Variants in SLC9A2 observed in about 807,000 individuals in gnomAD.
SLC9A2 encodes the protein sodium/hydrogen exchanger 2.
SLC9A2 carries 42 observed loss-of-function variants against 71.7 expected under a neutral mutation model. That is an observed-to-expected ratio of 0.59 (90% CI 0.46 to 0.76). The LOEUF (loss-of-function observed/expected upper bound fraction) is 0.76. Among genes scored for constraint, SLC9A2 ranks in the 30% least tolerant of loss-of-function variants. The probability of loss-of-function intolerance (pLI) is 0.00; values close to 1 mark genes in which losing one functional copy is unlikely to be tolerated. For missense variants in SLC9A2, 829 were observed against 1,017.4 expected, an observed-to-expected ratio of 0.81 and a Z score of 2.52; for synonymous variants, 396 against 392.5, an observed-to-expected ratio of 1.01 and a Z score of -0.10.
At chr2:102,685,988 G>A (rs1208409419) in intron 5 of SLC9A2, among the ~76,000 whole-genome samples, 1 of 152,220 alleles carries the variant, frequency 6.6e-6, no homozygotes, top group Non-Finnish European at 1.5e-5. Flanking sequence ...AAGATATCGT[G>A]GGAAGAAGGG....
At chr2:102,636,173 T>G in intron 1 of SLC9A2, among the ~76,000 whole-genome samples, 1 of 152,204 alleles carries the variant, frequency 6.6e-6, no homozygotes, top group East Asian at 1.9e-4. Flanking sequence ...ACCCCTTTGA[T>G]TTTTGCAACC....
chr2:102,707,082 A>G (rs1677993588), intron 11 of SLC9A2, among the ~76,000 whole-genome samples: 1 of 152,172 alleles, frequency 6.6e-6, no homozygotes, highest in African/African-American at 2.4e-5. Flanking sequence ...AATAAACACT[A>G]GGGATTTCAA....
At chr2:102,679,055 G>A (rs910129376) in intron 3 of SLC9A2, among the ~76,000 whole-genome samples, 1 of 152,144 alleles carries the variant, frequency 6.6e-6, no homozygotes, top group Admixed American at 6.5e-5. Flanking sequence ...GGTGACTCAG[G>A]TTGTACATGG....
At chr2:102,664,081 G>A (rs1164863932) in intron 2 of SLC9A2, among the ~76,000 whole-genome samples, 1 of 151,982 alleles carries the variant, frequency 6.6e-6, no homozygotes, top group Non-Finnish European at 1.5e-5. Context: ...TTCAAGACCA[G>A]CCTGGCCAAC....
chr2:102,635,305 A>G (rs918259611), intron 1 of SLC9A2, among the ~76,000 whole-genome samples: 1 of 152,176 alleles, frequency 6.6e-6, no homozygotes, highest in East Asian at 1.9e-4. Context: ...GGAAGGATAC[A>G]TTGTTCGTGT....
At chr2:102,669,662 TA>T (rs1285962029) in intron 3 of SLC9A2, among the ~76,000 whole-genome samples, 3 of 152,268 alleles carry the variant, frequency 2.0e-5, no homozygotes, top group Admixed American at 1.3e-4. Context: ...TTTTGAACTT[TA>T]TATTCAGGAA....
intron 2 of SLC9A2, among the ~76,000 whole-genome samples, chr2:102,660,229 A>G (rs917461815): frequency 2.6e-5 from 4 of 152,206 alleles, no homozygotes; most frequent in Admixed American, 6.5e-5. Flanking sequence ...CAGGCGGCCA[A>G]AGTGAGAGCT....
At chr2:102,652,677 C>T (rs1408890439) in intron 1 of SLC9A2, among the ~76,000 whole-genome samples, 1 of 152,150 alleles carries the variant, frequency 6.6e-6, no homozygotes, top group African/African-American at 2.4e-5. Context: ...CTATCTGGTC[C>T]TTAACAGAAA....
At chr2:102,638,052 T>G (rs936826258) in intron 1 of SLC9A2, among the ~76,000 whole-genome samples, 2 of 152,184 alleles carry the variant, frequency 1.3e-5, no homozygotes, top group African/African-American at 4.8e-5. Flanking sequence ...CCAAGATAAC[T>G]TGGACAGAAG....
intron 1 of SLC9A2, among the ~76,000 whole-genome samples, chr2:102,656,793 C>A (rs758604136): frequency 6.6e-6 from 1 of 152,144 alleles, no homozygotes; most frequent in Admixed American, 6.5e-5. Context: ...AGCTTCAATT[C>A]CCGCTTAAAT....
At chr2:102,701,926 G>A (rs1677881167) in intron 8 of SLC9A2, among the ~76,000 whole-genome samples, 1 of 152,176 alleles carries the variant, frequency 6.6e-6, no homozygotes, top group African/African-American at 2.4e-5. Context: ...ATATTAGCAA[G>A]TAGGTGAGGT....
intron 1 of SLC9A2, among the ~76,000 whole-genome samples, chr2:102,624,602 T>G (rs1024021380): frequency 2.0e-5 from 3 of 152,138 alleles, no homozygotes; most frequent in Non-Finnish European, 4.4e-5. Context: ...AGAGCCTCCT[T>G]CTTTGTCCTG....
At chr2:102,696,932 T>A (rs144401765) in intron 7 of SLC9A2, among the ~76,000 whole-genome samples, 32 of 152,320 alleles carry the variant, frequency 2.1e-4, no homozygotes, top group African/African-American at 7.0e-4. Flanking sequence ...ATCTACCCTA[T>A]GACTCTGGGA....
chr2:102,684,465 T>A lies in SLC9A2; in HGVS notation c.1425+129T>A, dbSNP rs1055937482. 4 of 863,856 alleles carry A rather than the reference T, an allele frequency of 4.6e-6. No individual in the cohort carries two copies. In the African/African-American group the frequency reaches 5.0e-5, roughly 11 times the overall value. The allele number at this position is 863,856 out of a possible 1,614,324, so 53.5% of individuals were successfully genotyped here. On this transcript the variant is annotated intron_variant, in intron 5 of 11. Transcript: ENST00000233969. ...AGTTAATTACTAGGGAAAATGATAT[T>A]TCCTGTCTGGGTTCATGTCACTAGA... is the stretch of plus-strand genomic sequence containing the variant.
At chr2:102,707,588 G>T (rs1678007137) in intron 11 of SLC9A2, among the ~76,000 whole-genome samples, 1 of 152,118 alleles carries the variant, frequency 6.6e-6, no homozygotes, top group African/African-American at 2.4e-5. Context: ...TCGCCCTTTT[G>T]TGGAAATGTA....
chr2:102,672,082 C>G (rs1677262490), intron 3 of SLC9A2, among the ~76,000 whole-genome samples: 1 of 151,788 alleles, frequency 6.6e-6, no homozygotes, highest in African/African-American at 2.4e-5. Context: ...GCACTCCAGC[C>G]TGGGAGACAA....
chr2:102,685,392 G>T (rs924545054), intron 5 of SLC9A2, among the ~76,000 whole-genome samples: 4 of 152,206 alleles, frequency 2.6e-5, no homozygotes, highest in African/African-American at 7.2e-5. Flanking sequence ...CCATTAGAGA[G>T]TGTCATGCAG....
Position 102,710,067 on chromosome 2 carries a change from C to T in SLC9A2, c.*1578C>T, listed in dbSNP as rs982369035. On this transcript the variant is annotated 3_prime_UTR_variant, in exon 12 of 12. Transcript: ENST00000233969. ...TCTCATGTTCTAAAGTCTTAGAATA[C>T]TGCTGGATTGTTGAGCATGAGACAG... 1.3e-5 allele frequency: 2 copies of T among 152,722 alleles called. No individual in the cohort carries two copies. The highest frequency in any genetic ancestry group is 2.9e-5 in the Non-Finnish European group (2 of 68,040). 9.5% of individuals were successfully genotyped at this position (152,722 alleles called of 1,614,324 possible).
chr2:102,641,649 C>CTG (rs1031763385), intron 1 of SLC9A2, among the ~76,000 whole-genome samples: 2 of 152,046 alleles, frequency 1.3e-5, no homozygotes, highest in African/African-American at 4.8e-5. Context: ...AACAAGCATG[C>CTG]TGTGTGTAAT....
Sources: gnomAD v4.1 joint callset for allele counts (sites outside exome capture counted in the v4.1 genomes callset) on GRCh38, gnomAD v4.1.1 for gene constraint, MANE v1.5 for transcripts, NCBI Gene and HGNC (gene_info 2026-07-23, HGNC 2026-07-21) for gene names.